TPD52L2: variants seen among roughly 807,000 people sequenced by gnomAD.
TPD52L2 encodes TPD52 like 2, also known as tumor protein D54.
Under a neutral mutation model 24.7 loss-of-function variants are expected in TPD52L2, and 19 were observed. That is an observed-to-expected ratio of 0.77 (90% CI 0.54 to 1.13). The LOEUF is 1.13. TPD52L2 is among the 50% of genes most tolerant of loss of function. TPD52L2 has a pLI of 0.00. For missense variants in TPD52L2, 236 were observed against 250.4 expected, an observed-to-expected ratio of 0.94 and a Z score of 0.39; for synonymous variants, 104 against 100.2, an observed-to-expected ratio of 1.04 and a Z score of -0.23.
At chr20:63,876,845 A>G (rs1217648579) in intron 4 of TPD52L2, 1 of 454,674 alleles carries the variant, frequency 2.2e-6, no homozygotes, top group South Asian at 1.6e-5. Context: ...GTTCGTGGGC[A>G]TGGCTACAGC....
chr20:63,888,993 T>G (rs1019016643), intron 5 of TPD52L2, 197 bp from the exon 6 acceptor site: 4 of 619,554 alleles, frequency 6.5e-6, no homozygotes, highest in South Asian at 5.6e-5. Context: ...TCCCTGTGGT[T>G]GTTGGGCATG....
chr20:63,871,267 T>A (rs2052453315), intron 2 of TPD52L2, among the ~76,000 whole-genome samples: 1 of 151,984 alleles, frequency 6.6e-6, no homozygotes, highest in Non-Finnish European at 1.5e-5. Context: ...GGTCCCGAAC[T>A]CCGAGTCTCA....
At chr20:63,869,571 C>T (rs12053600) in intron 2 of TPD52L2, 130 bp downstream of exon 2, 20 of 1,129,014 alleles carry the variant, frequency 1.8e-5, no homozygotes, top group South Asian at 5.6e-5. Flanking sequence ...CTCTGTGTTC[C>T]GACTGATAAC....
At chr20:63,867,145 G>T (rs1448810501) in intron 1 of TPD52L2, among the ~76,000 whole-genome samples, 1 of 152,024 alleles carries the variant, frequency 6.6e-6, no homozygotes, top group Non-Finnish European at 1.5e-5. Context: ...TAGAGATGGA[G>T]GTTTCTCCAT....
At position 63,890,118 on chromosome 20, in the gene TPD52L2, C is replaced by A. The variant is rs545092819; in HGVS notation, c.*173C>A. 2,330 of 1,411,462 alleles carry A rather than the reference C, an allele frequency of 1.7e-3. 3 individuals carry two copies. Among genetic ancestry groups the A allele is most frequent in the Non-Finnish European group, 2.0e-3 (2,070 of 1,052,754 alleles). 87.4% of individuals were successfully genotyped at this position (1,411,462 alleles called of 1,614,324 possible). ...GCCGCGTTTGCATGAATTTGAAGAACACAGGCTTGTACACAGATGTTTTAC... is the reference window on the plus strand; with the variant it reads ...GCCGCGTTTGCATGAATTTGAAGAAAACAGGCTTGTACACAGATGTTTTAC... On this transcript the variant is annotated 3_prime_UTR_variant, in exon 7 of 7. Transcript: ENST00000346249.
intron 2 of TPD52L2, 122 bp downstream of exon 2, chr20:63,869,563 C>T (rs1179361009): frequency 1.6e-6 from 2 of 1,243,314 alleles, no homozygotes; most frequent in Non-Finnish European, 2.3e-6. Context: ...CTACCCTGCT[C>T]TGTGTTCCGA....
At chr20:63,876,796 T>C (rs774260250) in intron 4 of TPD52L2, 1 of 455,766 alleles carries the variant, frequency 2.2e-6, no homozygotes, top group African/African-American at 2.0e-5. Flanking sequence ...CCCGGGCGGT[T>C]CTCGGCATGT....
rs536808214 is a variant in TPD52L2 at position 63,873,600 on chromosome 20, T to G, written c.166-68T>G. ...AAAGTTCTTGTGTAACTCATGGCAC[T>G]GTGCATGAGGATGTTAGTCACTTCC... On this transcript the variant is annotated intron_variant, in intron 2 of 6. Coordinates refer to ENST00000346249, the MANE Select transcript of TPD52L2 (RefSeq NM_003288.4). The G allele has an allele frequency of 6.5e-6, 10 of 1,543,406 alleles. No individual in the cohort carries two copies. The South Asian group carries it at 1.2e-4, about 19-fold the overall frequency.
chr20:63,872,577 C>G (rs2052508148), intron 2 of TPD52L2, among the ~76,000 whole-genome samples: 2 of 151,320 alleles, frequency 1.3e-5, no homozygotes, highest in Non-Finnish European at 2.9e-5. Context: ...GGGGTTTTGT[C>G]ATGTTGGCCA....
chr20:63,865,480 G>C, intron 1 of TPD52L2, 96 bp downstream of exon 1: 1 of 1,450,138 alleles, frequency 6.9e-7, no homozygotes, highest in Non-Finnish European at 9.1e-7. Flanking sequence ...CTGTCCTCTC[G>C]GTCTCGGTTC....
intron 2 of TPD52L2, 105 bp downstream of exon 2, chr20:63,869,546 T>A: frequency 7.0e-7 from 1 of 1,427,522 alleles, no homozygotes; most frequent in African/African-American, 1.4e-5. Context: ...TTGCCCTGGG[T>A]GGTCACCTAC....
At chr20:63,870,018 C>T (rs750695569) in intron 2 of TPD52L2, among the ~76,000 whole-genome samples, 4 of 152,144 alleles carry the variant, frequency 2.6e-5, no homozygotes, top group Non-Finnish European at 5.9e-5. Flanking sequence ...GTCCCAGCTA[C>T]TCAGGAGGCT....
At chr20:63,876,001 C>T in intron 4 of TPD52L2, 126 bp downstream of exon 4, 1 of 960,490 alleles carries the variant, frequency 1.0e-6, no homozygotes, top group Non-Finnish European at 1.6e-6. Flanking sequence ...TTTTTTCTTC[C>T]TATAACTTTT....
chr20:63,873,552 C>T (rs534026933), intron 2 of TPD52L2, 116 bp from the exon 3 acceptor site: 14 of 1,165,364 alleles, frequency 1.2e-5, no homozygotes, highest in African/African-American at 1.6e-5. Flanking sequence ...ATTCCTAGGA[C>T]GAGTTAATGC....
chr20:63,882,509 A>G (rs1301782499), intron 4 of TPD52L2, among the ~76,000 whole-genome samples: 1 of 152,214 alleles, frequency 6.6e-6, no homozygotes, highest in East Asian at 1.9e-4. Context: ...GTGAGCGAGC[A>G]ATGCACAGGC....
At chr20:63,882,958 C>T (rs2052957322) in intron 5 of TPD52L2, 138 bp downstream of exon 5, 5 of 664,316 alleles carry the variant, frequency 7.5e-6, no homozygotes, top group Admixed American at 5.7e-5. Flanking sequence ...ATCATGGCCC[C>T]GACCAGTCTG....
At chr20:63,887,596 C>G (rs759155053) in intron 5 of TPD52L2, 1 of 1,613,416 alleles carries the variant, frequency 6.2e-7, no homozygotes, top group Non-Finnish European at 8.5e-7. Context: ...ATAAGTATGC[C>G]AGCCATGAGG....
At chr20:63,870,733 T>C (rs1335308465) in intron 2 of TPD52L2, among the ~76,000 whole-genome samples, 5 of 151,170 alleles carry the variant, frequency 3.3e-5, no homozygotes, top group Admixed American at 2.0e-4. Flanking sequence ...TTTTTTTTTT[T>C]TGGAGACAGA....
At chr20:63,885,899 C>T in intron 5 of TPD52L2, 3 of 1,060,652 alleles carry the variant, frequency 2.8e-6, no homozygotes, top group Non-Finnish European at 4.4e-6. Flanking sequence ...CCCTGCTGGG[C>T]CTGACTGAGC....
Sources: allele counts gnomAD v4.1 joint callset (sites outside exome capture counted in the v4.1 genomes callset), GRCh38; gene constraint gnomAD v4.1.1; transcripts MANE v1.5; gene names NCBI Gene and HGNC (gene_info 2026-07-23, HGNC 2026-07-21).